The following SLC12A1 variants were observed in gnomAD, a reference collection of about 807,000 sequenced individuals.
SLC12A1 encodes the protein solute carrier family 12 member 1, also known as Na-K-2Cl cotransporter.
In SLC12A1, 89 loss-of-function variants were observed where a neutral mutation model predicts 130.4. The ratio of observed to expected loss-of-function variants is 0.68; its 90% confidence interval spans 0.58 to 0.81. The LOEUF (loss-of-function observed/expected upper bound fraction) is 0.81, where lower values mean the gene tolerates loss of function less well. Among genes scored for constraint, SLC12A1 ranks in the 40% least tolerant of loss-of-function variants. The pLI is 0.00. For missense variants in SLC12A1, 1,310 were observed against 1,336.4 expected, an observed-to-expected ratio of 0.98 and a Z score of 0.31; for synonymous variants, 499 against 460.0, an observed-to-expected ratio of 1.08 and a Z score of -1.09.
At chr15:48,263,515 G>A (rs530608282) in intron 17 of SLC12A1, among the ~76,000 whole-genome samples, 57 of 152,008 alleles carry the variant, frequency 3.7e-4, no homozygotes, top group African/African-American at 1.2e-3. Flanking sequence ...GATCAAAATC[G>A]TTTGATACTG....
At chr15:48,286,802 T>C (rs1282126260) in intron 21 of SLC12A1, among the ~76,000 whole-genome samples, 4 of 152,234 alleles carry the variant, frequency 2.6e-5, no homozygotes, top group Non-Finnish European at 4.4e-5. Context: ...CTTCCATTGC[T>C]TGTCAACTCT....
intron 23 of SLC12A1, among the ~76,000 whole-genome samples, chr15:48,289,895 G>A (rs1416525699): frequency 6.6e-6 from 1 of 151,968 alleles, no homozygotes; most frequent in Non-Finnish European, 1.5e-5. Context: ...TGTATACTTG[G>A]GCTACACAAA....
intron 24 of SLC12A1, among the ~76,000 whole-genome samples, chr15:48,297,456 A>G (rs1194890035): frequency 6.6e-6 from 1 of 152,226 alleles, no homozygotes; most frequent in Non-Finnish European, 1.5e-5. Context: ...TCCCACTGAA[A>G]GTACAATGAG....
intron 23 of SLC12A1, 67 bp from the exon 24 acceptor site, chr15:48,291,711 C>T: frequency 9.9e-7 from 1 of 1,010,194 alleles, no homozygotes; most frequent in Non-Finnish European, 1.5e-6. Context: ...TTAACTCAAA[C>T]AAAAAACTCT....
intron 2 of SLC12A1, among the ~76,000 whole-genome samples, chr15:48,211,041 A>G (rs759958116): frequency 7.2e-5 from 11 of 152,230 alleles, no homozygotes; most frequent in African/African-American, 1.2e-4. Context: ...GGAATGGCAA[A>G]TTAAAATATT....
intron 2 of SLC12A1, among the ~76,000 whole-genome samples, chr15:48,214,300 T>A (rs929375594): frequency 6.6e-6 from 1 of 152,188 alleles, no homozygotes; most frequent in African/African-American, 2.4e-5. Context: ...CAATTAATTT[T>A]TTATTATAAA....
chr15:48,211,235 C>T (rs756481409), intron 2 of SLC12A1, among the ~76,000 whole-genome samples: 20 of 152,188 alleles, frequency 1.3e-4, no homozygotes, highest in Admixed American at 3.3e-4. Context: ...GTGCACATTT[C>T]TGCAGCCAGG....
At chr15:48,226,387 C>A in intron 4 of SLC12A1, 89 bp from the exon 5 acceptor site, 1 of 781,344 alleles carries the variant, frequency 1.3e-6, no homozygotes. Flanking sequence ...GACCTGAAAA[C>A]TTAAGTTAAA....
chr15:48,249,859 T>C (rs1442523517), intron 14 of SLC12A1, among the ~76,000 whole-genome samples, 183 bp downstream of exon 14: 1 of 152,196 alleles, frequency 6.6e-6, no homozygotes, highest in Non-Finnish European at 1.5e-5. Flanking sequence ...AAAGAATCAT[T>C]TGAGCAATGG....
intron 17 of SLC12A1, among the ~76,000 whole-genome samples, chr15:48,262,632 A>G (rs2041788157): frequency 6.6e-6 from 1 of 152,210 alleles, no homozygotes; most frequent in South Asian, 2.1e-4. Context: ...CCCATTCTAA[A>G]GAATCCAGCT....
chr15:48,257,433 CT>C (rs1446912289), intron 16 of SLC12A1, among the ~76,000 whole-genome samples: 1 of 152,188 alleles, frequency 6.6e-6, no homozygotes, highest in Non-Finnish European at 1.5e-5. Context: ...CTGCACTACC[CT>C]AGCAGAGGTT....
At chr15:48,300,944 G>T (rs2042225629) in intron 25 of SLC12A1, among the ~76,000 whole-genome samples, 1 of 152,182 alleles carries the variant, frequency 6.6e-6, no homozygotes. Context: ...CCATTCCACT[G>T]TGCATAGGCA....
intron 11 of SLC12A1, among the ~76,000 whole-genome samples, chr15:48,245,970 T>C (rs946935372): frequency 6.6e-6 from 1 of 151,940 alleles, no homozygotes; most frequent in African/African-American, 2.4e-5. Flanking sequence ...GAAGGAAAAA[T>C]GGAAGTTAGG....
At chr15:48,232,538 A>C (rs111265034) in intron 7 of SLC12A1, among the ~76,000 whole-genome samples, 189 bp from the exon 8 acceptor site, 4 of 152,352 alleles carry the variant, frequency 2.6e-5, no homozygotes, top group African/African-American at 9.6e-5. Flanking sequence ...TGGCATATAC[A>C]TCCAAGTAGA....
chr15:48,211,835 C>T (rs1380566265), intron 2 of SLC12A1, among the ~76,000 whole-genome samples: 1 of 152,078 alleles, frequency 6.6e-6, no homozygotes, highest in Non-Finnish European at 1.5e-5. Flanking sequence ...TTAAATGAAA[C>T]TCTAGTTGTG....
intron 23 of SLC12A1, among the ~76,000 whole-genome samples, chr15:48,290,465 T>C (rs1264858704): frequency 3.3e-5 from 5 of 152,184 alleles, no homozygotes; most frequent in Non-Finnish European, 1.5e-5. Context: ...TTATCAAGTA[T>C]TATGTACTGT....
intron 20 of SLC12A1, among the ~76,000 whole-genome samples, chr15:48,280,709 C>T (rs2042001341): frequency 6.6e-6 from 1 of 152,086 alleles, no homozygotes; most frequent in Admixed American, 6.6e-5. Flanking sequence ...CCACTTGCCT[C>T]TCATGCTTCC....
chr15:48,267,445 T>G (rs2041844104), intron 17 of SLC12A1, 116 bp from the exon 18 acceptor site: 1 of 1,150,112 alleles, frequency 8.7e-7, no homozygotes, highest in Admixed American at 2.3e-5. Flanking sequence ...TGTTTTTCCC[T>G]CTTTCCCATT....
At chr15:48,301,283 C>T (rs2042229174) in intron 25 of SLC12A1, 32 bp from the exon 26 acceptor site, 1 of 1,470,766 alleles carries the variant, frequency 6.8e-7, no homozygotes, top group Admixed American at 1.8e-5. Context: ...TCTGGTAGAA[C>T]TGTACTCAAC....
Sources: allele counts gnomAD v4.1 joint callset (sites outside exome capture counted in the v4.1 genomes callset), GRCh38; gene constraint gnomAD v4.1.1; transcripts MANE v1.5; gene names NCBI Gene and HGNC (gene_info 2026-07-23, HGNC 2026-07-21).